Variants in NRXN1 observed in about 807,000 individuals in gnomAD.
The protein encoded by NRXN1 is neurexin-1.
NRXN1 carries 39 observed loss-of-function variants against 150.9 expected under a neutral mutation model. The ratio of observed to expected loss-of-function variants is 0.26; its 90% CI spans 0.20 to 0.34. The LOEUF (loss-of-function observed/expected upper bound fraction) is 0.34, where lower values mean the gene tolerates loss of function less well. Ranked by LOEUF, NRXN1 falls within the 10% of genes least tolerant of loss-of-function variation. The pLI, the probability that NRXN1 is intolerant of heterozygous loss-of-function variation, is 1.00. For synonymous variants in NRXN1, 924 were observed against 757.0 expected, an observed-to-expected ratio of 1.22 and a Z score of -3.62; for missense variants, 1,815 against 1,949.9, an observed-to-expected ratio of 0.93 and a Z score of 1.30.
chr2:50,251,737 G>A (rs10193389), intron 17 of NRXN1, among the ~76,000 whole-genome samples: 2,094 of 152,238 alleles, frequency 0.014, 52 homozygotes, highest in African/African-American at 0.047. Context: ...ACTGCTGTGC[G>A]ATAGTATACG....
chr2:50,980,248 T>TGCAC (rs1696572387), intron 2 of NRXN1, among the ~76,000 whole-genome samples: 2 of 152,042 alleles, frequency 1.3e-5, no homozygotes. Context: ...AGACTACAGG[T>TGCAC]GCACCCCACT....
intron 17 of NRXN1, among the ~76,000 whole-genome samples, chr2:50,395,337 T>C (rs1211142149): frequency 6.6e-6 from 1 of 151,638 alleles, no homozygotes; most frequent in African/African-American, 2.4e-5. Context: ...TGCTAAAATG[T>C]GCTGTTTAGG....
At chr2:50,602,292 T>C (rs1176415942) in intron 8 of NRXN1, among the ~76,000 whole-genome samples, 2 of 151,708 alleles carry the variant, frequency 1.3e-5, no homozygotes, top group African/African-American at 2.4e-5. Context: ...GGTTGATAAA[T>C]GGAAAAAAGA....
intron 19 of NRXN1, among the ~76,000 whole-genome samples, chr2:50,057,229 C>T (rs1693795727): frequency 6.6e-6 from 1 of 152,148 alleles, no homozygotes; most frequent in Non-Finnish European, 1.5e-5. Context: ...GCCATCACTG[C>T]CTCACTCTGC....
At chr2:50,068,178 T>A (rs928049889) in intron 19 of NRXN1, among the ~76,000 whole-genome samples, 1 of 152,206 alleles carries the variant, frequency 6.6e-6, no homozygotes, top group African/African-American at 2.4e-5. Context: ...AAGATTTTTT[T>A]TTCAATTAGA....
intron 17 of NRXN1, among the ~76,000 whole-genome samples, chr2:50,410,008 A>T (rs991658860): frequency 2.0e-5 from 3 of 152,082 alleles, no homozygotes; most frequent in African/African-American, 7.2e-5. Flanking sequence ...GACATTCCCT[A>T]CGTGAACCCT....
intron 5 of NRXN1, among the ~76,000 whole-genome samples, chr2:50,920,612 T>C (rs938410269): frequency 3.3e-5 from 5 of 151,648 alleles, no homozygotes; most frequent in African/African-American, 1.2e-4. Context: ...CTAAAGAACA[T>C]GATGAGAAAT....
chr2:50,333,688 G>T (rs1160492646), intron 17 of NRXN1, among the ~76,000 whole-genome samples: 3 of 151,914 alleles, frequency 2.0e-5, no homozygotes, highest in Non-Finnish European at 4.4e-5. Context: ...CAGCAGAATG[G>T]ATTTGACGGC....
At chr2:50,483,971 A>C (rs2090681489) in intron 15 of NRXN1, among the ~76,000 whole-genome samples, 1 of 152,176 alleles carries the variant, frequency 6.6e-6, no homozygotes, top group Non-Finnish European at 1.5e-5. Flanking sequence ...ACAAACGAAC[A>C]TTTATTTTGG....
intron 18 of NRXN1, among the ~76,000 whole-genome samples, chr2:50,121,491 G>GT (rs1197165159): frequency 6.6e-6 from 1 of 152,210 alleles, no homozygotes; most frequent in Non-Finnish European, 1.5e-5. Flanking sequence ...GAGGATGTAT[G>GT]TAAGTGATGT....
intron 2 of NRXN1, among the ~76,000 whole-genome samples, chr2:50,995,928 C>T (rs1699220677): frequency 6.6e-6 from 1 of 151,990 alleles, no homozygotes; most frequent in Admixed American, 6.6e-5. Context: ...TAACTTTTAG[C>T]TTTGTAAAAA....
At chr2:50,361,207 A>C (rs1232784079) in intron 17 of NRXN1, among the ~76,000 whole-genome samples, 1 of 152,168 alleles carries the variant, frequency 6.6e-6, no homozygotes, top group East Asian at 1.9e-4. Flanking sequence ...AAAAGAACTA[A>C]AGAAGCAAGG....
At chr2:50,546,471 T>C (rs534550784) in intron 9 of NRXN1, among the ~76,000 whole-genome samples, 97 of 152,266 alleles carry the variant, frequency 6.4e-4, no homozygotes, top group African/African-American at 2.3e-3. Flanking sequence ...AGAAAATAAA[T>C]TTTGCTACTT....
At chr2:50,312,468 C>T (rs981730300) in intron 17 of NRXN1, among the ~76,000 whole-genome samples, 15 of 151,742 alleles carry the variant, frequency 9.9e-5, no homozygotes, top group Admixed American at 2.0e-4. Context: ...AGTTTTTACA[C>T]ATGTTCATAG....
intron 17 of NRXN1, among the ~76,000 whole-genome samples, chr2:50,348,180 A>T (rs1378923427): frequency 6.6e-6 from 1 of 152,230 alleles, no homozygotes; most frequent in Non-Finnish European, 1.5e-5. Context: ...GTACTCAAGC[A>T]TCAGTCGCGA....
At chr2:50,268,076 G>A (rs1003094008) in intron 17 of NRXN1, among the ~76,000 whole-genome samples, 1 of 152,092 alleles carries the variant, frequency 6.6e-6, no homozygotes, top group Non-Finnish European at 1.5e-5. Flanking sequence ...TGTAAACCCA[G>A]CTACTTGGGA....
chr2:50,493,481 T>G (rs890430534), intron 15 of NRXN1, among the ~76,000 whole-genome samples: 3 of 152,144 alleles, frequency 2.0e-5, no homozygotes, highest in African/African-American at 7.2e-5. Context: ...AGTGTTCTCA[T>G]AGAGACGGAG....
Position 50,743,311 on chromosome 2 carries a change from TA to T in NRXN1, c.833-119697del, listed in dbSNP as rs370384296. ...ATGCACTTAAAATTCACTGAAATTTTAAAGTGGGTATGCTCTACTAACAAAA... is the reference window on the plus strand; with the variant it reads ...ATGCACTTAAAATTCACTGAAATTTTAAGTGGGTATGCTCTACTAACAAAA... On this transcript the variant is annotated intron_variant, in intron 5 of 22. Coordinates refer to ENST00000401669, the MANE Select transcript of NRXN1 (RefSeq NM_001330078.2). Among the ~76,000 whole-genome samples the T allele has an allele frequency of 2.7e-4, 41 of 152,286 alleles. No individual in the cohort carries two copies. In the South Asian group the frequency reaches 7.5e-3, roughly 28 times the overall value.
chr2:50,855,874 C>T (rs891502619), intron 5 of NRXN1, among the ~76,000 whole-genome samples: 8 of 151,862 alleles, frequency 5.3e-5, no homozygotes, highest in South Asian at 2.1e-4. Flanking sequence ...ACATCATACA[C>T]GGGAAAAAGT....
Sources: allele counts gnomAD v4.1 joint callset (sites outside exome capture counted in the v4.1 genomes callset), GRCh38; gene constraint gnomAD v4.1.1; transcripts MANE v1.5; gene names NCBI Gene and HGNC (gene_info 2026-07-23, HGNC 2026-07-21).